Variants in TSG101 observed in about 807,000 individuals in gnomAD.
TSG101 encodes the protein tumor susceptibility 101, also known as tumor susceptibility gene 101 protein.
TSG101 carries 19 observed loss-of-function variants against 48.5 expected under a neutral mutation model. The ratio of observed to expected loss-of-function variants is 0.39; its 90% CI spans 0.27 to 0.58. The LOEUF (loss-of-function observed/expected upper bound fraction) is 0.58, where lower values mean the gene tolerates loss of function less well. Among genes scored for constraint, TSG101 ranks in the 20% least tolerant of loss-of-function variants. The pLI, the probability that TSG101 is intolerant of heterozygous loss-of-function variation, is 0.55. For synonymous variants in TSG101, 174 were observed against 169.4 expected (o/e 1.03, Z -0.21); for missense variants, 365 against 484.4 (o/e 0.75, Z 2.31).
intron 7 of TSG101, among the ~76,000 whole-genome samples, chr11:18,500,487 ATTT>A (rs758563026): frequency 6.6e-6 from 1 of 151,900 alleles, no homozygotes; most frequent in Non-Finnish European, 1.5e-5. Flanking sequence ...AACATTTGTT[ATTT>A]TTTTATTTTT....
rs981055032 is a variant in TSG101 at position 18,500,314 on chromosome 11, C to T, written c.640+2172G>A. ...GGAGTACAGGTATTCCTTTAATATA[C>T]TGATTTCCTTTCCCTTGGATAAATA... On this transcript the variant is annotated intron_variant, in intron 7 of 9. Transcript: ENST00000251968. 4.6e-5 allele frequency among the ~76,000 whole-genome samples: 7 copies of T among 152,264 alleles called. No homozygotes were observed. In the East Asian group the frequency reaches 1.2e-3, roughly 25 times the overall value.
chr11:18,512,163 G>T (rs1224578063), intron 4 of TSG101, among the ~76,000 whole-genome samples: 1 of 152,110 alleles, frequency 6.6e-6, no homozygotes, highest in South Asian at 2.1e-4. Context: ...CCAGCACTTT[G>T]GGAGGCTGAG....
chr11:18,485,327 A>G (rs1180612048), intron 7 of TSG101, among the ~76,000 whole-genome samples: 4 of 152,172 alleles, frequency 2.6e-5, no homozygotes, highest in African/African-American at 4.8e-5. Flanking sequence ...CACAACAACT[A>G]GAATCTGCTC....
rs142800175 is a variant in TSG101 at position 18,481,851 on chromosome 11, T to C, written c.862A>G (p.Ile288Val). 1.9e-5 allele frequency: 30 copies of C among 1,613,424 alleles called. No homozygotes were observed. In the South Asian group the frequency reaches 2.0e-4, roughly 11 times the overall value. The change falls in exon 9 of 10, where the codon ATA becomes GTA. Residue 288 changes from isoleucine (I) to valine (V), a missense_variant. Physicochemically the swap from Ile to Val is conservative, Grantham distance 29 (BLOSUM62 3). Transcript: ENST00000251968. The stretch of plus-strand genomic sequence containing the variant: ...TCATCCTTCTTTTTCAAAAGTTCTA[T>C]GTTTTTATCAACCTCGGCCTGAAAA... ...DQEVAEVDKN[I>V]ELLKKKDEEL...
At chr11:18,489,063 C>T (rs1432821738) in intron 7 of TSG101, among the ~76,000 whole-genome samples, 6 of 151,218 alleles carry the variant, frequency 4.0e-5, no homozygotes, top group South Asian at 2.1e-4. Flanking sequence ...TGCAGTGAGC[C>T]GAGATCATGC....
At chr11:18,519,445 G>GA in intron 2 of TSG101, 74 bp downstream of exon 2, 1 of 1,289,756 alleles carries the variant, frequency 7.8e-7, no homozygotes. Context: ...ACCTCAAATG[G>GA]AAAAAATTAC....
intron 4 of TSG101, among the ~76,000 whole-genome samples, chr11:18,513,497 A>G (rs1448833411): frequency 2.6e-5 from 4 of 151,874 alleles, no homozygotes; most frequent in Non-Finnish European, 5.9e-5. Context: ...TGGGGTTCTC[A>G]CTATGTTGCC....
At chr11:18,483,339 T>C (rs948529830) in intron 8 of TSG101, among the ~76,000 whole-genome samples, 5 of 151,746 alleles carry the variant, frequency 3.3e-5, no homozygotes, top group African/African-American at 1.2e-4. Context: ...TACTAAAAAA[T>C]ACAAAAATTA....
intron 7 of TSG101, among the ~76,000 whole-genome samples, chr11:18,496,628 A>T (rs1323916698): frequency 6.6e-6 from 1 of 152,094 alleles, no homozygotes; most frequent in South Asian, 2.1e-4. Context: ...GTTCAAGGCC[A>T]GCCTGGGCAA....
intron 7 of TSG101, among the ~76,000 whole-genome samples, chr11:18,487,037 C>A (rs958217982): frequency 1.3e-5 from 2 of 148,844 alleles, no homozygotes; most frequent in Admixed American, 1.4e-4. Context: ...CCAAACACTG[C>A]ATGTTCTCAC....
chr11:18,494,941 C>A (rs1027326868), intron 7 of TSG101, among the ~76,000 whole-genome samples: 1 of 152,198 alleles, frequency 6.6e-6, no homozygotes, highest in Non-Finnish European at 1.5e-5. Flanking sequence ...TATTTTTCTT[C>A]ACCTTTTCCT....
intron 2 of TSG101, among the ~76,000 whole-genome samples, chr11:18,516,572 C>T (rs1002464253): frequency 3.9e-5 from 6 of 152,030 alleles, no homozygotes; most frequent in Non-Finnish European, 8.8e-5. Context: ...TCTCGAACTC[C>T]TAACCTCGTT....
In TSG101 at chr11:18,526,853, G is replaced by C; in HGVS notation, c.-37C>G. The C allele has an allele frequency of 6.3e-7, 1 of 1,592,052 alleles. No homozygotes were observed. Among genetic ancestry groups the C allele is most frequent in the Non-Finnish European group, 8.5e-7 (1 of 1,175,584 alleles). ...GGCGACTCCCTTCCCCGCAGGCAGA[G>C]GGTCAGCCGCTGCTGGGCTGCCCCA... On this transcript the variant is annotated 5_prime_UTR_variant, in exon 1 of 10. Transcript: ENST00000251968.
intron 2 of TSG101, among the ~76,000 whole-genome samples, chr11:18,519,084 TCTGCCTCCTGGA>T (rs1025889969): frequency 5.3e-5 from 8 of 152,142 alleles, no homozygotes; most frequent in South Asian, 2.1e-4. Flanking sequence ...CACTGCAACC[TCTGCCTCCTGGA>T]CTGCCTCCTG....
At chr11:18,496,195 G>A (rs1849773560) in intron 7 of TSG101, among the ~76,000 whole-genome samples, 1 of 152,064 alleles carries the variant, frequency 6.6e-6, no homozygotes, top group African/African-American at 2.4e-5. Flanking sequence ...TGGGTGAGGT[G>A]GCTTATGCCT....
chr11:18,506,451 G>T (rs1055741252), intron 6 of TSG101, among the ~76,000 whole-genome samples: 2 of 151,916 alleles, frequency 1.3e-5, no homozygotes, highest in African/African-American at 4.8e-5. Flanking sequence ...CCAGCGCTTT[G>T]GGAGTCTGAG....
At chr11:18,518,130 T>C (rs1379371854) in intron 2 of TSG101, among the ~76,000 whole-genome samples, 2 of 152,216 alleles carry the variant, frequency 1.3e-5, no homozygotes, top group African/African-American at 4.8e-5. Flanking sequence ...ATTTTGGTAA[T>C]GTGAGGCCTT....
chr11:18,513,948 G>A (rs1850127735), intron 4 of TSG101, among the ~76,000 whole-genome samples: 2 of 152,026 alleles, frequency 1.3e-5, no homozygotes, highest in Admixed American at 1.3e-4. Context: ...ATTTGGTGGT[G>A]GGCGCCTGTA....
Position 18,519,559 on chromosome 11 carries a change from A to G in TSG101, c.87T>C (p.Ile29=). 1.2e-6 allele frequency: 2 copies of G among 1,613,164 alleles called. No homozygotes were observed. The stretch of plus-strand genomic sequence containing the variant: ...CAGGTTTGAGATCTTTGTATAGAGT[A>G]ATAACATTGACAGTTTCACGTACAG... ...DLTVRETVNV[I]TLYKDLKPVL... is the part of the protein sequence containing the mutation. The change falls in exon 2 of 10, where the codon ATT becomes ATC. Residue 29 remains isoleucine, a synonymous_variant. Coordinates refer to ENST00000251968, the MANE Select transcript of TSG101 (RefSeq NM_006292.4).
Sources: allele counts gnomAD v4.1 joint callset (sites outside exome capture counted in the v4.1 genomes callset), GRCh38; gene constraint gnomAD v4.1.1; transcripts MANE v1.5; gene names NCBI Gene and HGNC (gene_info 2026-07-23, HGNC 2026-07-21).